The following GHR variants were observed in gnomAD, a reference collection of about 807,000 sequenced individuals.
GHR encodes growth hormone receptor.
Under a neutral mutation model 67.1 loss-of-function variants are expected in GHR, and 35 were observed. The ratio of observed to expected loss-of-function variants is 0.52; its 90% confidence interval spans 0.40 to 0.69. GHR has a LOEUF of 0.69. Ranked by LOEUF, GHR falls within the 30% of genes least tolerant of loss-of-function variation. GHR has a pLI of 0.00. For synonymous variants in GHR, 272 were observed against 269.1 expected (o/e 1.01, Z -0.10); for missense variants, 792 against 764.6 (o/e 1.04, Z -0.42).
chr5:42,467,800 T>C, intron 1 of GHR: 6 of 1,443,370 alleles, frequency 4.2e-6, no homozygotes, highest in Non-Finnish European at 4.8e-6. Flanking sequence ...CATGCTACAA[T>C]GTAAAAGACT....
At chr5:42,661,528 A>T (rs1755622337) in intron 3 of GHR, among the ~76,000 whole-genome samples, 1 of 152,340 alleles carries the variant, frequency 6.6e-6, no homozygotes, top group Middle Eastern at 3.4e-3. Flanking sequence ...AAGGGGAAAT[A>T]AAATACTTTA....
intron 2 of GHR, among the ~76,000 whole-genome samples, chr5:42,626,569 C>T (rs967563322): frequency 2.0e-5 from 3 of 152,120 alleles, no homozygotes; most frequent in Non-Finnish European, 2.9e-5. Context: ...GAGTCCCTCT[C>T]CCCTTCCTGA....
intron 1 of GHR, among the ~76,000 whole-genome samples, chr5:42,450,673 G>A (rs932930428): frequency 5.9e-5 from 9 of 151,802 alleles, no homozygotes; most frequent in African/African-American, 1.9e-4. Context: ...CTTCTGCTTT[G>A]TTTGGGTTTG....
intron 1 of GHR, among the ~76,000 whole-genome samples, chr5:42,564,694 C>T (rs991554387): frequency 1.3e-5 from 2 of 152,174 alleles, no homozygotes; most frequent in African/African-American, 4.8e-5. Context: ...GGGGCCACAT[C>T]TGTAGGCCCA....
At chr5:42,562,531 T>C (rs917186927) in intron 1 of GHR, among the ~76,000 whole-genome samples, 16 of 152,000 alleles carry the variant, frequency 1.1e-4, no homozygotes, top group Non-Finnish European at 1.9e-4. Flanking sequence ...GCTGTAAGAG[T>C]ATGCAAACAG....
chr5:42,669,743 A>T (rs1208612312), intron 3 of GHR, among the ~76,000 whole-genome samples: 1 of 152,246 alleles, frequency 6.6e-6, no homozygotes, highest in Non-Finnish European at 1.5e-5. Context: ...AACAAACTGT[A>T]TGAAAAAGAA....
chr5:42,520,153 G>A (rs1030121859), intron 1 of GHR, among the ~76,000 whole-genome samples: 12 of 152,098 alleles, frequency 7.9e-5, no homozygotes, highest in East Asian at 5.8e-4. Flanking sequence ...CTTACTGAGC[G>A]TCCATGATGT....
At chr5:42,429,859 G>T (rs570563072) in intron 1 of GHR, among the ~76,000 whole-genome samples, 4 of 152,292 alleles carry the variant, frequency 2.6e-5, no homozygotes, top group Admixed American at 6.5e-5. Flanking sequence ...CTGCTTCCAT[G>T]AACATGAGTC....
chr5:42,494,226 C>T (rs1746228976), intron 1 of GHR, among the ~76,000 whole-genome samples: 1 of 152,070 alleles, frequency 6.6e-6, no homozygotes, highest in South Asian at 2.1e-4. Context: ...TAGTGTAACA[C>T]TTCCCTTCCT....
chr5:42,593,521 A>G (rs1002163407), intron 2 of GHR, among the ~76,000 whole-genome samples: 2 of 152,210 alleles, frequency 1.3e-5, no homozygotes, highest in African/African-American at 4.8e-5. Flanking sequence ...AGTATGAGGC[A>G]CTGTTACTGC....
chr5:42,626,350 G>T (rs897215114), intron 2 of GHR, among the ~76,000 whole-genome samples: 14 of 152,072 alleles, frequency 9.2e-5, no homozygotes, highest in Admixed American at 9.2e-4. Flanking sequence ...CTCCCCCTCC[G>T]GTTTGATAAT....
At chr5:42,523,869 G>T (rs1747583961) in intron 1 of GHR, among the ~76,000 whole-genome samples, 1 of 152,126 alleles carries the variant, frequency 6.6e-6, no homozygotes, top group African/African-American at 2.4e-5. Flanking sequence ...AGTCTCACTA[G>T]ATCTGATGGG....
At chr5:42,652,161 G>C (rs1015034481) in intron 3 of GHR, among the ~76,000 whole-genome samples, 1 of 152,160 alleles carries the variant, frequency 6.6e-6, no homozygotes, top group Non-Finnish European at 1.5e-5. Flanking sequence ...GAAAGTACTA[G>C]ATTTTGTATT....
At chr5:42,657,787 G>A (rs1170478052) in intron 3 of GHR, among the ~76,000 whole-genome samples, 1 of 152,020 alleles carries the variant, frequency 6.6e-6, no homozygotes, top group Non-Finnish European at 1.5e-5. Flanking sequence ...ATCCTAAAAT[G>A]TTCCTTTTTC....
intron 1 of GHR, among the ~76,000 whole-genome samples, chr5:42,529,999 CT>C (rs376534691): frequency 0.19 from 11,111 of 58,132 alleles, 119 homozygotes; most frequent in African/African-American, 0.24. Context: ...TGAATCACTT[CT>C]TTTTTTTTTT....
In GHR at chr5:42,424,838, A is replaced by T. The variant is rs745765262; in HGVS notation, c.-12+883A>T. Among the ~76,000 whole-genome samples, 49 of 151,990 alleles carry T rather than the reference A, an allele frequency of 3.2e-4. No homozygotes were observed. The highest frequency in any genetic ancestry group is 6.3e-4 in the Non-Finnish European group (43 of 67,948). Reference sequence around the variant, plus strand: ...ATAGCCCGAGGGGATGCCTGCTGAGACCGAGCTGCGGGGGCTCTCGGTCTG... The same window carrying T: ...ATAGCCCGAGGGGATGCCTGCTGAGTCCGAGCTGCGGGGGCTCTCGGTCTG... On this transcript the variant is annotated intron_variant, in intron 1 of 9. Coordinates refer to ENST00000230882, the MANE Select transcript of GHR (RefSeq NM_000163.5). This position sits in a 1 kb window ranked among gnomAD's most constrained non-coding sequence, Gnocchi z 4.1.
At chr5:42,489,960 A>G (rs1456740718) in intron 1 of GHR, among the ~76,000 whole-genome samples, 1 of 152,180 alleles carries the variant, frequency 6.6e-6, no homozygotes, top group African/African-American at 2.4e-5. Context: ...AAAAAAAAAC[A>G]ATTTCAGTAG....
Position 42,663,407 on chromosome 5 carries a change from G to A in GHR, c.137-25483G>A, listed in dbSNP as rs531669464. On this transcript the variant is annotated intron_variant, in intron 3 of 9. Transcript: ENST00000230882. ...AAAGCTTATCCACCATGATCAAGTG[G>A]GCTTCATCCCTGGGATGCAAGGCTG... Among the ~76,000 whole-genome samples the A allele has an allele frequency of 4.6e-5, 7 of 152,220 alleles. 1 individual carries two copies. In the South Asian group the frequency reaches 1.5e-3, roughly 32 times the overall value.
chr5:42,707,651 C>T (rs1184989776), intron 6 of GHR, among the ~76,000 whole-genome samples: 1 of 151,842 alleles, frequency 6.6e-6, no homozygotes, highest in Non-Finnish European at 1.5e-5. Context: ...TATAGTTCTA[C>T]TTATAAAGAT....
Sources: allele counts gnomAD v4.1 joint callset (sites outside exome capture counted in the v4.1 genomes callset), GRCh38; gene constraint gnomAD v4.1.1; non-coding constraint Gnocchi (gnomAD v3.1); transcripts MANE v1.5; gene names NCBI Gene and HGNC (gene_info 2026-07-23, HGNC 2026-07-21).